ALG14: variants seen among roughly 807,000 people sequenced by gnomAD.
The protein encoded by ALG14 is ALG14 UDP-N-acetylglucosaminyltransferase subunit, also known as UDP-N-acetylglucosamine transferase subunit ALG14.
A neutral mutation model predicts 22.8 loss-of-function variants in ALG14; 17 were observed. The observed-to-expected ratio is 0.75, with a 90% CI of 0.51 to 1.12. ALG14 has a LOEUF of 1.12. Among genes scored for constraint, ALG14 ranks in the 50% most tolerant of loss-of-function variants. The probability of loss-of-function intolerance (pLI) is 0.00; values close to 1 mark genes in which losing one functional copy is unlikely to be tolerated. For synonymous variants in ALG14, 89 were observed against 103.7 expected (o/e 0.86, Z 0.86); for missense variants, 288 against 271.8 (o/e 1.06, Z -0.42).
At chr1:95,070,864 T>C (rs918360869) in intron 1 of ALG14, among the ~76,000 whole-genome samples, 6 of 152,124 alleles carry the variant, frequency 3.9e-5, no homozygotes, top group African/African-American at 1.4e-4. Context: ...GCCTCCCAAA[T>C]AGCTGGGACT....
chr1:95,011,571 G>A (rs1381657559), intron 3 of ALG14, among the ~76,000 whole-genome samples: 17 of 151,698 alleles, frequency 1.1e-4, no homozygotes, highest in African/African-American at 3.6e-4. Context: ...GACTACAGGC[G>A]CCCGCCACAG....
intron 1 of ALG14, among the ~76,000 whole-genome samples, chr1:95,068,954 G>C (rs1399873930): frequency 6.6e-6 from 1 of 152,068 alleles, no homozygotes; most frequent in Non-Finnish European, 1.5e-5. Flanking sequence ...CACAGTTGTG[G>C]ATTTAACTCC....
chr1:95,033,012 T>C (rs1455568347), intron 2 of ALG14, among the ~76,000 whole-genome samples: 2 of 152,210 alleles, frequency 1.3e-5, no homozygotes, highest in African/African-American at 2.4e-5. Context: ...TTCAGACAGC[T>C]ACAATTCAGG....
rs1672466584 is a variant in ALG14, at chr1:94,979,883, G to A, written c.*3193C>T. The A allele has an allele frequency of 6.6e-6, 1 of 152,244 alleles. No homozygotes were observed. Among genetic ancestry groups the A allele is most frequent in the African/African-American group, 2.4e-5 (1 of 41,446 alleles). 9.4% of individuals were successfully genotyped at this position (152,244 alleles called of 1,614,324 possible). ...AATGTTGAAGGCGGACAAGATTTGG[G>A]TGTCTGCTCATTGTGCGCCAGGGCT... On this transcript the variant is annotated 3_prime_UTR_variant, in exon 4 of 4. Coordinates refer to ENST00000370205, the MANE Select transcript of ALG14 (RefSeq NM_144988.4).
chr1:95,009,583 A>T (rs1673310684), intron 3 of ALG14, among the ~76,000 whole-genome samples: 1 of 152,172 alleles, frequency 6.6e-6, no homozygotes, highest in African/African-American at 2.4e-5. Flanking sequence ...AAATCCCATT[A>T]TTTGATCATA....
chr1:95,022,433 TTCTC>T, intron 3 of ALG14: 1 of 869,922 alleles, frequency 1.1e-6, no homozygotes, highest in Non-Finnish European at 1.4e-6. Flanking sequence ...ATCAAACCAC[TTCTC>T]GCAGTGGACT....
intron 3 of ALG14, among the ~76,000 whole-genome samples, chr1:95,013,358 C>T (rs1218748350): frequency 1.3e-5 from 2 of 150,806 alleles, no homozygotes; most frequent in East Asian, 2.0e-4. Context: ...TTTTTTGAGA[C>T]AAGAGTCTTG....
At chr1:95,062,184 G>A (rs567675665) in intron 2 of ALG14, 1 of 152,262 alleles carries the variant, frequency 6.6e-6, no homozygotes, top group East Asian at 1.9e-4. Context: ...AGGATGCTTC[G>A]TGTATGTAAG....
intron 3 of ALG14, among the ~76,000 whole-genome samples, chr1:95,010,976 T>A (rs986483169): frequency 6.6e-6 from 1 of 152,144 alleles, no homozygotes; most frequent in Non-Finnish European, 1.5e-5. Context: ...TTGAATAAAG[T>A]CAGAAGAAAC....
Position 95,018,669 on chromosome 1 carries a change from G to GAGAGCAGGAAATTCACCCCCTAT in ALG14, c.420+8459_420+8460insATAGGGGGTGAATTTCCTGCTCT, listed in dbSNP as rs564609955. Among the ~76,000 whole-genome samples the GAGAGCAGGAAATTCACCCCCTAT allele has an allele frequency of 3.6e-3, 549 of 152,266 alleles. 4 individuals are homozygous for GAGAGCAGGAAATTCACCCCCTAT. Among genetic ancestry groups the GAGAGCAGGAAATTCACCCCCTAT allele is most frequent in the Non-Finnish European group, 6.1e-3 (412 of 68,010 alleles). On this transcript the variant is annotated intron_variant, in intron 3 of 3. Transcript: ENST00000370205. ...ATATAAGCTGCACCTGGTTTCCACA[G>GAGAGCAGGAAATTCACCCCCTAT]AGAGCAGGAAATTCACCCCCTACCT...
intron 3 of ALG14, chr1:94,983,677 T>C: frequency 5.5e-6 from 1 of 183,030 alleles, no homozygotes; most frequent in South Asian, 1.4e-4. Context: ...TCAACTGAGA[T>C]TCACTGTTTT....
chr1:95,000,777 TAAAAAAAAA>T (rs56810994), intron 3 of ALG14, among the ~76,000 whole-genome samples: 3 of 65,222 alleles, frequency 4.6e-5, no homozygotes, highest in African/African-American at 1.1e-4. Flanking sequence ...TATGCCACAC[TAAAAAAAAA>T]AAAAAAAAAA....
At chr1:95,016,647 G>T (rs1673502272) in intron 3 of ALG14, among the ~76,000 whole-genome samples, 1 of 152,082 alleles carries the variant, frequency 6.6e-6, no homozygotes, top group South Asian at 2.1e-4. Context: ...GTGACAGCAG[G>T]TTTATCTCAC....
chr1:94,983,204 T>C lies in ALG14; in HGVS notation c.523A>G (p.Ile175Val). ...KKVIIVYVES[I>V]CRVETLSMSG... ...ATGGATAACGTTTCTACACGGCAGA[T>C]GCTTTCAACGTAGACAATGATCACT... The change falls in exon 4 of 4, where the codon ATC (isoleucine) becomes GTC (valine). Residue 175 changes from isoleucine (I) to valine (V), a missense_variant. Ile to Val is a conservative substitution (Grantham distance 29). Transcript: ENST00000370205. 2.5e-6 allele frequency: 4 copies of C among 1,614,174 alleles called. 1 individual carries two copies. The South Asian group carries it at 3.3e-5, about 13-fold the overall frequency.
At chr1:95,052,175 A>G (rs1041461651) in intron 2 of ALG14, among the ~76,000 whole-genome samples, 11 of 152,240 alleles carry the variant, frequency 7.2e-5, no homozygotes, top group Admixed American at 2.0e-4. Flanking sequence ...ATGAAAAGTC[A>G]TCACTTGCAG....
At chr1:94,990,900 A>G (rs539410178) in intron 3 of ALG14, among the ~76,000 whole-genome samples, 1 of 152,384 alleles carries the variant, frequency 6.6e-6, no homozygotes, top group East Asian at 1.9e-4. Context: ...TGCCCAGTTG[A>G]TAAGTTCCCT....
At chr1:94,992,524 C>T (rs1207526621) in intron 3 of ALG14, among the ~76,000 whole-genome samples, 1 of 151,720 alleles carries the variant, frequency 6.6e-6, no homozygotes, top group African/African-American at 2.4e-5. Flanking sequence ...TGTGGACTGA[C>T]TCGAAGTTAC....
intron 2 of ALG14, among the ~76,000 whole-genome samples, chr1:95,053,107 C>A (rs1266466771): frequency 1.3e-5 from 2 of 152,062 alleles, no homozygotes. Flanking sequence ...AGACAATTCC[C>A]AGTTCTGAAT....
At position 94,986,754 on chromosome 1, in the gene ALG14, A is replaced by G. The variant is rs887072699; in HGVS notation, c.421-3448T>C. ...CCAAAGTGCTGGGATTGCAGGCATC[A>G]GTCACTGCGCCTGGCCCTTTTTTTT... On this transcript the variant is annotated intron_variant, in intron 3 of 3. Coordinates refer to ENST00000370205, the MANE Select transcript of ALG14 (RefSeq NM_144988.4). Among the ~76,000 whole-genome samples, 3 of 149,324 alleles carry G rather than the reference A, an allele frequency of 2.0e-5. No individual in the cohort carries two copies. In the South Asian group the frequency reaches 6.3e-4, roughly 32 times the overall value.
Sources: allele counts gnomAD v4.1 joint callset (sites outside exome capture counted in the v4.1 genomes callset), GRCh38; gene constraint gnomAD v4.1.1; transcripts MANE v1.5; gene names NCBI Gene and HGNC (gene_info 2026-07-23, HGNC 2026-07-21).